ASB4: variants seen among roughly 807,000 people sequenced by gnomAD.
ASB4 encodes ankyrin repeat and SOCS box containing 4.
ASB4 carries 35 observed loss-of-function variants against 38.6 expected under a neutral mutation model. The observed-to-expected ratio is 0.91, with a 90% CI of 0.69 to 1.20. The LOEUF is 1.20. Ranked by LOEUF, ASB4 falls within the 50% of genes most tolerant of loss-of-function variation. ASB4 has a pLI of 0.00. For synonymous variants in ASB4, 195 were observed against 201.3 expected (o/e 0.97, Z 0.26); for missense variants, 557 against 527.2 (o/e 1.06, Z -0.55).
chr7:95,498,850 T>C (rs1377687185), intron 2 of ASB4, among the ~76,000 whole-genome samples: 2 of 152,204 alleles, frequency 1.3e-5, no homozygotes, highest in African/African-American at 4.8e-5. Context: ...GTTAGGTTCG[T>C]CTTTTTTTAT....
chr7:95,497,940 T>C (rs1285336433), intron 2 of ASB4, among the ~76,000 whole-genome samples: 1 of 152,204 alleles, frequency 6.6e-6, no homozygotes, highest in Non-Finnish European at 1.5e-5. Flanking sequence ...AGAGGGACAT[T>C]TGGAATGTCC....
At chr7:95,511,484 G>A (rs914247766) in intron 2 of ASB4, among the ~76,000 whole-genome samples, 8 of 152,104 alleles carry the variant, frequency 5.3e-5, no homozygotes, top group African/African-American at 1.9e-4. Context: ...GGTGGGGGCA[G>A]GAGGAAGAGC....
the ASB4 span, among the ~76,000 whole-genome samples, chr7:95,549,542 C>G: frequency 1.3e-5 from 2 of 151,974 alleles, no homozygotes; most frequent in Non-Finnish European, 2.9e-5. Flanking sequence ...CGTGATCCGC[C>G]CGCCTTGGGC....
At chr7:95,533,047 C>G (rs905650655) in intron 3 of ASB4, among the ~76,000 whole-genome samples, 1 of 152,228 alleles carries the variant, frequency 6.6e-6, no homozygotes, top group African/African-American at 2.4e-5. Flanking sequence ...CTAACCTTCT[C>G]ACTTCACTTA....
At chr7:95,484,924 C>T (rs1208801455), upstream of ASB4, among the ~76,000 whole-genome samples, 4 of 151,320 alleles carry the variant, frequency 2.6e-5, no homozygotes, top group Non-Finnish European at 4.4e-5. Context: ...TTTTGCCACA[C>T]TTGCTATCTC....
At chr7:95,478,203 T>C (rs149340528), upstream of ASB4, among the ~76,000 whole-genome samples, 2 of 152,250 alleles carry the variant, frequency 1.3e-5, no homozygotes, top group African/African-American at 4.8e-5. Context: ...TGGAGTACAA[T>C]TGTGAGGTAA....
At chr7:95,502,261 A>C (rs1164928078) in intron 2 of ASB4, among the ~76,000 whole-genome samples, 1 of 152,212 alleles carries the variant, frequency 6.6e-6, no homozygotes. Flanking sequence ...CATGTCAATT[A>C]AAATGACAAT....
intron 1 of ASB4, among the ~76,000 whole-genome samples, chr7:95,478,780 C>T (rs1789999559): frequency 6.6e-6 from 1 of 152,150 alleles, no homozygotes; most frequent in African/African-American, 2.4e-5. Flanking sequence ...ACTTTGGACC[C>T]TCCCGTTTAC....
At chr7:95,476,920 G>A (rs780319223), upstream of ASB4, among the ~76,000 whole-genome samples, 4 of 152,174 alleles carry the variant, frequency 2.6e-5, no homozygotes, top group Non-Finnish European at 5.9e-5. Context: ...TTTAATTTAT[G>A]TATTTGTTAG....
chr7:95,490,522 T>G (rs1790156047), intron 1 of ASB4, among the ~76,000 whole-genome samples: 1 of 152,272 alleles, frequency 6.6e-6, no homozygotes, highest in Admixed American at 6.5e-5. Context: ...AGCAAATGTC[T>G]GCTAATCCAG....
chr7:95,472,701 G>A, the ASB4 span, among the ~76,000 whole-genome samples: 2 of 152,136 alleles, frequency 1.3e-5, no homozygotes, highest in Non-Finnish European at 2.9e-5. Flanking sequence ...TTCCACAGCA[G>A]GGTTAACTAC....
Position 95,495,780 on chromosome 7 carries a change from A to G in ASB4, c.210A>G (p.Lys70=). The G allele has an allele frequency of 6.2e-7, 1 of 1,604,834 alleles. No homozygotes were observed. Among genetic ancestry groups the G allele is most frequent in the East Asian group, 2.2e-5 (1 of 44,686 alleles). ...CAGGTTACTGGTTGCCTAGCTATAA[A>G]TTGAAGTCTTCCTGGGCCACAGGCC... is the stretch of plus-strand genomic sequence containing the variant. The part of the protein sequence containing the change: ...YKQGYWLPSY[K]LKSSWATGLH... Residue 70 remains lysine, a synonymous_variant, in exon 2 of 5, where the codon AAA becomes AAG. Transcript: ENST00000325885.
At chr7:95,532,618 A>G (rs996404970) in intron 3 of ASB4, among the ~76,000 whole-genome samples, 2 of 152,138 alleles carry the variant, frequency 1.3e-5, no homozygotes, top group African/African-American at 2.4e-5. Flanking sequence ...ATATATATCA[A>G]TATAAAAGAG....
At chr7:95,506,499 C>T (rs1215168713) in intron 2 of ASB4, among the ~76,000 whole-genome samples, 1 of 152,002 alleles carries the variant, frequency 6.6e-6, no homozygotes, top group Non-Finnish European at 1.5e-5. Context: ...ATACATGCAC[C>T]CCAGTGCATG....
intron 1 of ASB4, among the ~76,000 whole-genome samples, chr7:95,487,340 A>G (rs1562808608): frequency 6.6e-6 from 1 of 152,216 alleles, no homozygotes; most frequent in Non-Finnish European, 1.5e-5. Context: ...GAAAATTTGT[A>G]TACTATATAA....
chr7:95,492,293 G>A (rs1790182937), intron 1 of ASB4, among the ~76,000 whole-genome samples: 1 of 152,184 alleles, frequency 6.6e-6, no homozygotes, highest in Non-Finnish European at 1.5e-5. Context: ...CTACCTGGAA[G>A]TTAGGAGGAG....
intron 2 of ASB4, among the ~76,000 whole-genome samples, chr7:95,507,669 G>A (rs17717920): frequency 1.3e-5 from 2 of 152,140 alleles, no homozygotes; most frequent in Non-Finnish European, 2.9e-5. Context: ...AAAATTTATT[G>A]AATGTTCAAT....
upstream of ASB4, among the ~76,000 whole-genome samples, chr7:95,476,922 A>G (rs1789983231): frequency 6.6e-6 from 1 of 152,246 alleles, no homozygotes; most frequent in African/African-American, 2.4e-5. Context: ...TAATTTATGT[A>G]TTTGTTAGAT....
chr7:95,493,061 T>A (rs989285495), intron 1 of ASB4, among the ~76,000 whole-genome samples: 1 of 152,200 alleles, frequency 6.6e-6, no homozygotes, highest in Admixed American at 6.5e-5. Flanking sequence ...CAGCCCAGAC[T>A]GTCTATGACA....
Sources: gnomAD v4.1 joint callset for allele counts (sites outside exome capture counted in the v4.1 genomes callset) on GRCh38, gnomAD v4.1.1 for gene constraint, MANE v1.5 for transcripts, NCBI Gene and HGNC (gene_info 2026-07-23, HGNC 2026-07-21) for gene names.